LIPA: variants seen among roughly 807,000 people sequenced by gnomAD.
LIPA encodes lipase A, lysosomal acid type, also known as lysosomal acid lipase/cholesteryl ester hydrolase.
LIPA carries 26 observed loss-of-function variants against 40.6 expected under a neutral mutation model. The ratio of observed to expected loss-of-function variants is 0.64; its 90% CI spans 0.47 to 0.89. The LOEUF is 0.89. LIPA is among the 40% of genes least tolerant of loss of function. The pLI, the probability that LIPA is intolerant of heterozygous loss-of-function variation, is 0.00. For missense variants in LIPA, 455 were observed against 479.6 expected (o/e 0.95, Z 0.48); for synonymous variants, 188 against 168.4 (o/e 1.12, Z -0.90).
chr10:89,399,773 T>C (rs1029897089), intron 2 of LIPA, among the ~76,000 whole-genome samples: 31 of 151,790 alleles, frequency 2.0e-4, no homozygotes, highest in African/African-American at 7.0e-4. Context: ...TGTTTGGAGA[T>C]AGAGTCTAAA....
chr10:89,282,974 G>A (rs1314621841), intron 1 of LIPA, among the ~76,000 whole-genome samples: 5 of 152,250 alleles, frequency 3.3e-5, no homozygotes, highest in African/African-American at 1.2e-4. Context: ...TATTTCACAT[G>A]AGTGTAAAAT....
chr10:89,358,306 G>A (rs1240295397), intron 2 of LIPA, among the ~76,000 whole-genome samples: 1 of 152,206 alleles, frequency 6.6e-6, no homozygotes, highest in Non-Finnish European at 1.5e-5. Flanking sequence ...TGAGGATGCA[G>A]AGAATGGGGA....
In LIPA at chr10:89,396,330, G is replaced by T. The variant is rs886519088; in HGVS notation, c.61+16461C>A. 3.3e-5 allele frequency among the ~76,000 whole-genome samples: 5 copies of T among 152,234 alleles called. No homozygotes were observed. In the South Asian group the frequency reaches 1.0e-3, roughly 32 times the overall value. On this transcript the variant is annotated intron_variant, in intron 2 of 8. Transcript: ENST00000371837. Reference sequence around the variant, plus strand: ...GGCTGGGCAATTTCTAAAGAAAAAAGGTTTATTTAGCTCACAGTTCCGCAG... The same window carrying T: ...GGCTGGGCAATTTCTAAAGAAAAAATGTTTATTTAGCTCACAGTTCCGCAG...
At chr10:89,305,625 C>A (rs1347828854) in intron 1 of LIPA, among the ~76,000 whole-genome samples, 2 of 152,052 alleles carry the variant, frequency 1.3e-5, no homozygotes, top group Non-Finnish European at 2.9e-5. Flanking sequence ...TTCTTTAAAA[C>A]TACATAAATA....
Position 89,223,699 on chromosome 10 carries a change from C to G in LIPA, c.807G>C (p.Glu269Asp), listed in dbSNP as rs746973509. 2.8e-5 allele frequency: 45 copies of G among 1,611,906 alleles called. No individual in the cohort carries two copies. The highest frequency in any genetic ancestry group is 3.6e-5 in the Non-Finnish European group (43 of 1,178,284). Residue 269 changes from glutamate (E) to aspartate (D), a missense_variant, in exon 7 of 10, where the codon GAG (glutamate) becomes GAC (aspartate). Coordinates refer to ENST00000336233, the MANE Select transcript of LIPA (RefSeq NM_000235.4). ...NLCFLLCGFN[E>D]RNLNMSRVDV... is the part of the protein sequence containing the mutation. ...ACATGCATACCATATTTAAATTTCT[C>G]TCATTAAATCCACACAGAAGAAAAC...
At chr10:89,398,906 C>G (rs1844382544) in intron 2 of LIPA, among the ~76,000 whole-genome samples, 1 of 152,182 alleles carries the variant, frequency 6.6e-6, no homozygotes, top group Non-Finnish European at 1.5e-5. Context: ...AGTGGAATTG[C>G]TGGATCAAAT....
chr10:89,405,320 A>G (rs113389096), intron 2 of LIPA: 93 of 152,382 alleles, frequency 6.1e-4, no homozygotes, highest in African/African-American at 2.1e-3. Flanking sequence ...ATCATGGGTA[A>G]CAATCACCTT....
At chr10:89,324,660 C>A in intron 1 of LIPA, among the ~76,000 whole-genome samples, 2 of 152,140 alleles carry the variant, frequency 1.3e-5, no homozygotes, top group South Asian at 4.1e-4. Flanking sequence ...GAAACTTAAG[C>A]AAATTAACAA....
At chr10:89,403,104 G>A in intron 2 of LIPA, 1 of 1,614,158 alleles carries the variant, frequency 6.2e-7, no homozygotes, top group Non-Finnish European at 8.5e-7. Flanking sequence ...ATTAAAAAAG[G>A]CCTTGCAGGA....
chr10:89,260,343 G>A (rs970373193), intron 1 of LIPA, among the ~76,000 whole-genome samples: 3 of 152,302 alleles, frequency 2.0e-5, no homozygotes, highest in Admixed American at 1.3e-4. Flanking sequence ...AAGGGTTGCA[G>A]ATTCCGAGCT....
chr10:89,307,175 G>A (rs1238573927), intron 1 of LIPA: 16 of 1,613,940 alleles, frequency 9.9e-6, no homozygotes, highest in Non-Finnish European at 1.4e-5. Flanking sequence ...GAAATCAAGG[G>A]AGAAAGAAAA....
chr10:89,364,826 A>G (rs760133414), intron 2 of LIPA, among the ~76,000 whole-genome samples: 3 of 152,144 alleles, frequency 2.0e-5, no homozygotes, highest in South Asian at 2.1e-4. Flanking sequence ...CCAAAAATCT[A>G]TAGTAAAATT....
intron 1 of LIPA, among the ~76,000 whole-genome samples, chr10:89,321,036 T>A (rs1177971147): frequency 6.6e-6 from 1 of 151,804 alleles, no homozygotes; most frequent in Admixed American, 6.6e-5. Flanking sequence ...TGAAACTGGA[T>A]CCCTTCCTTA....
At chr10:89,365,276 A>G (rs1035115210) in intron 2 of LIPA, among the ~76,000 whole-genome samples, 2 of 152,180 alleles carry the variant, frequency 1.3e-5, no homozygotes, top group Non-Finnish European at 2.9e-5. Context: ...TTCCTTCTGG[A>G]ACACAGCTAA....
intron 3 of LIPA, among the ~76,000 whole-genome samples, chr10:89,233,753 T>C (rs1277551640): frequency 6.6e-6 from 1 of 152,110 alleles, no homozygotes; most frequent in East Asian, 1.9e-4. Flanking sequence ...GTAATCCCAG[T>C]TACTCAGGAG....
At chr10:89,297,302 G>T (rs73359643) in intron 1 of LIPA, among the ~76,000 whole-genome samples, 4,074 of 152,192 alleles carry the variant, frequency 0.027, 209 homozygotes, top group African/African-American at 0.093. Flanking sequence ...TGGTGATTTG[G>T]AGACCCCACA....
rs183193526 is a variant in LIPA, at chr10:89,334,956, C to A, written c.-2+7655G>T. 2.2e-4 allele frequency among the ~76,000 whole-genome samples: 33 copies of A among 152,166 alleles called. No homozygotes were observed. In the East Asian group the frequency reaches 6.4e-3, roughly 29 times the overall value. On this transcript the variant is annotated intron_variant, in intron 1 of 5. Coordinates refer to the LIPA transcript ENST00000282673. ...TGAGATAAATTATTAAGTGAGGAAA[C>A]CTTGGCAATTGGAGTATTTGTTTTA...
rs767015640 is a variant in LIPA at position 89,392,756 on chromosome 10, T to G, written c.61+20035A>C. 4 of 1,607,988 alleles carry G rather than the reference T, an allele frequency of 2.5e-6. No homozygotes were observed. The South Asian group carries it at 4.4e-5, about 18-fold the overall frequency. On this transcript the variant is annotated intron_variant, in intron 2 of 8. Coordinates refer to the LIPA transcript ENST00000371837. ...TGCTCCTCTGCCATAATGTCTAAAGTTTTTGAAAAAATGGTAATTAAATAC... is the reference window on the plus strand; with the variant it reads ...TGCTCCTCTGCCATAATGTCTAAAGGTTTTGAAAAAATGGTAATTAAATAC...
At chr10:89,393,144 T>G in intron 2 of LIPA, 1 of 1,291,880 alleles carries the variant, frequency 7.7e-7, no homozygotes. Flanking sequence ...CCCACAAGAA[T>G]GTGAAAGCCT....
Sources: allele counts gnomAD v4.1 joint callset (sites outside exome capture counted in the v4.1 genomes callset), GRCh38; gene constraint gnomAD v4.1.1; transcripts MANE v1.5; gene names NCBI Gene and HGNC (gene_info 2026-07-23, HGNC 2026-07-21).